MEGF11: variants seen among roughly 807,000 people sequenced by gnomAD.
The protein encoded by MEGF11 is multiple epidermal growth factor-like domains protein 11.
A neutral mutation model predicts 146.6 loss-of-function variants in MEGF11; 126 were observed. That is an observed-to-expected ratio of 0.86 (90% CI 0.74 to 1.00). The LOEUF (loss-of-function observed/expected upper bound fraction) is 1.00. Among genes scored for constraint, MEGF11 ranks in the 50% least tolerant of loss-of-function variants. The pLI, the probability that MEGF11 is intolerant of heterozygous loss-of-function variation, is 0.00. For missense variants in MEGF11, 1,509 were observed against 1,521.2 expected (o/e 0.99, Z 0.13); for synonymous variants, 532 against 583.4 (o/e 0.91, Z 1.27).
chr15:66,129,520 C>T (rs2140966932), intron 1 of MEGF11, among the ~76,000 whole-genome samples: 1 of 152,252 alleles, frequency 6.6e-6, no homozygotes, highest in African/African-American at 2.4e-5. Context: ...AAAATTACAA[C>T]TTCTAATAAC....
intron 1 of MEGF11, among the ~76,000 whole-genome samples, chr15:66,234,733 C>T (rs1374837987): frequency 1.3e-5 from 2 of 152,386 alleles, no homozygotes; most frequent in African/African-American, 4.8e-5. Flanking sequence ...TCCATTTCCA[C>T]TGCCTTCCTC....
At chr15:66,153,603 A>G (rs2089647737) in intron 1 of MEGF11, among the ~76,000 whole-genome samples, 1 of 152,056 alleles carries the variant, frequency 6.6e-6, no homozygotes, top group Non-Finnish European at 1.5e-5. Flanking sequence ...AAGAAAAGAA[A>G]GAAAGCAGAT....
chr15:66,048,103 G>A lies in MEGF11; in HGVS notation c.394+46299C>T, dbSNP rs539101224. Among the ~76,000 whole-genome samples, 32 of 152,192 alleles carry A rather than the reference G, an allele frequency of 2.1e-4. 1 individual carries two copies. Among genetic ancestry groups the A allele is most frequent in the South Asian group, 8.3e-4 (4 of 4,818 alleles). On this transcript the variant is annotated intron_variant, in intron 5 of 25. Transcript: ENST00000395614. ...TGGGACTACAGGCATGTACCACCAC[G>A]CCCAGCTAATTTTTGTATTTTTAGT... is the stretch of plus-strand genomic sequence containing the variant.
At chr15:66,086,167 A>G (rs1319939676) in intron 5 of MEGF11, among the ~76,000 whole-genome samples, 1 of 152,226 alleles carries the variant, frequency 6.6e-6, no homozygotes. Flanking sequence ...GATTATATTA[A>G]AAGATCAAAC....
chr15:65,968,658 A>C (rs2081198586), intron 8 of MEGF11, among the ~76,000 whole-genome samples: 1 of 152,188 alleles, frequency 6.6e-6, no homozygotes, highest in Admixed American at 6.5e-5. Flanking sequence ...GCATGCTAAT[A>C]ATGGGGCCTG....
At chr15:66,019,047 C>A (rs1449164520) in intron 5 of MEGF11, among the ~76,000 whole-genome samples, 1 of 152,216 alleles carries the variant, frequency 6.6e-6, no homozygotes, top group South Asian at 2.1e-4. Context: ...CGACTCCAGG[C>A]CTGTGGGACT....
intron 5 of MEGF11, among the ~76,000 whole-genome samples, chr15:65,984,876 C>T (rs1055554943): frequency 6.6e-5 from 10 of 151,958 alleles, no homozygotes; most frequent in Non-Finnish European, 1.5e-4. Flanking sequence ...TCAAGCAATT[C>T]TCCTGCCTCA....
intron 1 of MEGF11, among the ~76,000 whole-genome samples, chr15:66,144,718 A>G (rs910241394): frequency 1.3e-5 from 2 of 152,034 alleles, no homozygotes; most frequent in African/African-American, 4.8e-5. Context: ...GGCACCAACC[A>G]CCACCACCTG....
intron 5 of MEGF11, among the ~76,000 whole-genome samples, chr15:66,043,762 T>C (rs2084085921): frequency 6.6e-6 from 1 of 152,200 alleles, no homozygotes; most frequent in African/African-American, 2.4e-5. Context: ...ACCCAGTTTC[T>C]AGTGAACTGA....
chr15:66,211,381 GA>G (rs2091444663), intron 1 of MEGF11, among the ~76,000 whole-genome samples: 2 of 152,040 alleles, frequency 1.3e-5, no homozygotes, highest in South Asian at 4.1e-4. Context: ...AAAATTAGCC[GA>G]GCATGGTGGC....
intron 1 of MEGF11, among the ~76,000 whole-genome samples, chr15:66,243,642 C>T (rs191112949): frequency 8.6e-4 from 131 of 152,274 alleles, no homozygotes; most frequent in African/African-American, 3.0e-3. Flanking sequence ...ACTGGCATGC[C>T]ATTTATTTGC....
chr15:66,119,315 A>G (rs2087899327), intron 3 of MEGF11, 129 bp from the exon 4 acceptor site: 9 of 655,066 alleles, frequency 1.4e-5, no homozygotes, highest in Non-Finnish European at 2.6e-6. Context: ...GCGACTTCAA[A>G]TATGAAGGAA....
At chr15:66,012,694 G>A (rs1213598429) in intron 5 of MEGF11, among the ~76,000 whole-genome samples, 1 of 152,244 alleles carries the variant, frequency 6.6e-6, no homozygotes, top group African/African-American at 2.4e-5. Flanking sequence ...GAGGGCAGAT[G>A]CAGCTGTCAT....
chr15:66,012,628 T>A (rs2082746183), intron 5 of MEGF11, among the ~76,000 whole-genome samples: 1 of 152,244 alleles, frequency 6.6e-6, no homozygotes. Flanking sequence ...TGTAGAGTTA[T>A]CCCACAGTTT....
intron 5 of MEGF11, among the ~76,000 whole-genome samples, chr15:66,034,539 C>T (rs1319803790): frequency 2.0e-5 from 3 of 152,074 alleles, no homozygotes; most frequent in Non-Finnish European, 4.4e-5. Context: ...CCCCGCTCAG[C>T]CTCCTGAGTA....
intron 9 of MEGF11, among the ~76,000 whole-genome samples, chr15:65,960,437 C>G (rs558304338): frequency 6.6e-6 from 1 of 152,228 alleles, no homozygotes; most frequent in Admixed American, 6.5e-5. Context: ...GCGTGGGTAT[C>G]GTGGGGAAGG....
At chr15:66,173,134 C>T (rs1315656371) in intron 1 of MEGF11, among the ~76,000 whole-genome samples, 1 of 152,104 alleles carries the variant, frequency 6.6e-6, no homozygotes, top group East Asian at 1.9e-4. Context: ...GCCTGGAGCA[C>T]CCTTTCTTAT....
chr15:66,114,479 G>C (rs907506691), intron 4 of MEGF11, among the ~76,000 whole-genome samples: 4 of 152,214 alleles, frequency 2.6e-5, no homozygotes, highest in East Asian at 1.9e-4. Flanking sequence ...ACTCAGTCCT[G>C]TATCATCTGG....
intron 6 of MEGF11, among the ~76,000 whole-genome samples, chr15:65,981,502 G>A (rs1367947581): frequency 6.6e-6 from 1 of 152,158 alleles, no homozygotes; most frequent in East Asian, 1.9e-4. Context: ...GGACTTGGGA[G>A]CTGGCCAGAC....
Sources: allele counts gnomAD v4.1 joint callset (sites outside exome capture counted in the v4.1 genomes callset), GRCh38; gene constraint gnomAD v4.1.1; transcripts MANE v1.5; gene names NCBI Gene and HGNC (gene_info 2026-07-23, HGNC 2026-07-21).